The following IMMP2L variants were observed in gnomAD, a reference collection of about 807,000 sequenced individuals.
The protein encoded by IMMP2L is inner mitochondrial membrane peptidase subunit 2.
A neutral mutation model predicts 19.3 loss-of-function variants in IMMP2L; 18 were observed. The ratio of observed to expected loss-of-function variants is 0.93; its 90% CI spans 0.64 to 1.38. The LOEUF is 1.38. Among genes scored for constraint, IMMP2L ranks in the 40% most tolerant of loss-of-function variants. IMMP2L has a pLI of 0.00. For missense variants in IMMP2L, 233 were observed against 218.2 expected, an observed-to-expected ratio of 1.07 and a Z score of -0.43; for synonymous variants, 76 against 73.0, an observed-to-expected ratio of 1.04 and a Z score of -0.21.
At chr7:111,432,749 C>G (rs1376342237) in intron 3 of IMMP2L, among the ~76,000 whole-genome samples, 1 of 151,194 alleles carries the variant, frequency 6.6e-6, no homozygotes, top group Non-Finnish European at 1.5e-5. Context: ...TCAAAGGCAT[C>G]CAAATTGGAT....
intron 3 of IMMP2L, among the ~76,000 whole-genome samples, chr7:111,048,453 T>C (rs571496320): frequency 1.6e-4 from 24 of 152,036 alleles, no homozygotes; most frequent in Non-Finnish European, 3.1e-4. Flanking sequence ...TTGTAAAGTC[T>C]TTGCTGACCA....
At chr7:111,375,119 T>G (rs1489318549) in intron 3 of IMMP2L, among the ~76,000 whole-genome samples, 1 of 152,042 alleles carries the variant, frequency 6.6e-6, no homozygotes, top group Admixed American at 6.6e-5. Flanking sequence ...AGCAGAACTC[T>G]CAGGATGTAA....
intron 4 of IMMP2L, among the ~76,000 whole-genome samples, chr7:110,947,247 T>C (rs1817357521): frequency 6.6e-6 from 1 of 152,198 alleles, no homozygotes; most frequent in Non-Finnish European, 1.5e-5. Context: ...GGAACTTTCA[T>C]TATCATAACC....
At chr7:111,237,039 C>T (rs529255010) in intron 3 of IMMP2L, among the ~76,000 whole-genome samples, 27 of 151,944 alleles carry the variant, frequency 1.8e-4, no homozygotes, top group Non-Finnish European at 3.2e-4. Flanking sequence ...ACAACAGTGA[C>T]GTTTCCATAA....
intron 3 of IMMP2L, among the ~76,000 whole-genome samples, chr7:111,286,626 C>T (rs963819222): frequency 6.6e-6 from 1 of 151,788 alleles, no homozygotes; most frequent in African/African-American, 2.4e-5. Flanking sequence ...TTGTGGTCTC[C>T]GAGAAAAAAC....
Position 111,411,351 on chromosome 7 carries a change from C to G in IMMP2L, c.239+75887G>C, listed in dbSNP as rs571079374. 6 of 433,994 alleles carry G rather than the reference C, an allele frequency of 1.4e-5. No individual in the cohort carries two copies. The East Asian group carries it at 1.9e-4, about 14-fold the overall frequency. The allele number at this position is 433,994 out of a possible 1,614,324, so 26.9% of individuals were successfully genotyped here. On this transcript the variant is annotated intron_variant, in intron 3 of 5. Transcript: ENST00000405709. ...ATACCCAGGACCTAGCCAAAGCCCA[C>G]AACACCCCTGAAATTCTCAAGATCA...
chr7:110,965,080 T>C (rs1585482770), intron 3 of IMMP2L, among the ~76,000 whole-genome samples: 3 of 152,164 alleles, frequency 2.0e-5, no homozygotes, highest in Admixed American at 2.0e-4. Flanking sequence ...ATGCTAGACA[T>C]TGGGGTAATT....
chr7:111,369,344 T>A (rs1205834065), intron 3 of IMMP2L, among the ~76,000 whole-genome samples: 2 of 151,948 alleles, frequency 1.3e-5, no homozygotes, highest in Non-Finnish European at 2.9e-5. Context: ...TGAAATGTAA[T>A]TCCCTTCATG....
At chr7:110,736,619 C>G (rs1796655020) in intron 5 of IMMP2L, among the ~76,000 whole-genome samples, 1 of 138,806 alleles carries the variant, frequency 7.2e-6, no homozygotes, top group African/African-American at 2.4e-5. Context: ...AGATCATTCT[C>G]AAGCCTCAAG....
At chr7:110,713,259 T>C (rs1036708108) in intron 5 of IMMP2L, among the ~76,000 whole-genome samples, 4 of 152,286 alleles carry the variant, frequency 2.6e-5, no homozygotes, top group South Asian at 2.1e-4. Flanking sequence ...TTCTGTTCCA[T>C]TGGTCTACAT....
chr7:111,233,658 T>C (rs1352932017), intron 3 of IMMP2L, among the ~76,000 whole-genome samples: 1 of 152,110 alleles, frequency 6.6e-6, no homozygotes, highest in Non-Finnish European at 1.5e-5. Flanking sequence ...TAAGTATATA[T>C]TTGTTTGAAT....
chr7:111,307,365 T>G (rs1045355954), intron 3 of IMMP2L, among the ~76,000 whole-genome samples: 5 of 151,812 alleles, frequency 3.3e-5, no homozygotes, highest in African/African-American at 1.2e-4. Context: ...TAAGTTTTGA[T>G]TTTTGGTTCC....
intron 3 of IMMP2L, among the ~76,000 whole-genome samples, chr7:111,346,384 C>T (rs181163090): frequency 6.6e-6 from 1 of 152,132 alleles, no homozygotes; most frequent in Non-Finnish European, 1.5e-5. Context: ...AGAGACACTA[C>T]TGAGCATCTG....
chr7:111,150,529 T>C (rs995495846), intron 3 of IMMP2L, among the ~76,000 whole-genome samples: 2 of 152,186 alleles, frequency 1.3e-5, no homozygotes, highest in African/African-American at 4.8e-5. Context: ...TTTGCTATAA[T>C]TGGCTCTGCC....
intron 3 of IMMP2L, among the ~76,000 whole-genome samples, chr7:111,192,463 C>T (rs1455669516): frequency 6.6e-6 from 1 of 152,118 alleles, no homozygotes; most frequent in East Asian, 1.9e-4. Flanking sequence ...AAACGGCCAG[C>T]AATCATAACT....
chr7:110,679,377 G>T (rs939073525), intron 5 of IMMP2L, among the ~76,000 whole-genome samples: 3 of 152,108 alleles, frequency 2.0e-5, no homozygotes, highest in South Asian at 2.1e-4. Flanking sequence ...CAAGGTGGAT[G>T]GATGACATTA....
chr7:110,753,661 C>T (rs1797868228), intron 5 of IMMP2L, among the ~76,000 whole-genome samples: 1 of 151,798 alleles, frequency 6.6e-6, no homozygotes, highest in South Asian at 2.1e-4. Context: ...CAAGATAGTA[C>T]ATCATGTCTG....
chr7:111,141,495 T>C (rs1802885730), intron 3 of IMMP2L, among the ~76,000 whole-genome samples: 1 of 152,050 alleles, frequency 6.6e-6, no homozygotes, highest in Non-Finnish European at 1.5e-5. Context: ...CTTAGCTTTA[T>C]CTTTTTTTAG....
intron 5 of IMMP2L, among the ~76,000 whole-genome samples, chr7:110,676,212 T>C (rs1307154198): frequency 6.6e-6 from 1 of 152,230 alleles, no homozygotes; most frequent in Non-Finnish European, 1.5e-5. Flanking sequence ...ATAGCAAGGG[T>C]CAGCAAACAT....
Sources: gnomAD v4.1 joint callset for allele counts (sites outside exome capture counted in the v4.1 genomes callset) on GRCh38, gnomAD v4.1.1 for gene constraint, MANE v1.5 for transcripts, NCBI Gene and HGNC (gene_info 2026-07-23, HGNC 2026-07-21) for gene names.